The following FSTL5 variants were observed in gnomAD, a reference collection of about 807,000 sequenced individuals.
The protein encoded by FSTL5 is follistatin like 5.
Under a neutral mutation model 89.1 loss-of-function variants are expected in FSTL5, and 62 were observed. The observed-to-expected ratio is 0.70, with a 90% CI of 0.57 to 0.86. The LOEUF is 0.86. FSTL5 is among the 40% of genes least tolerant of loss of function. The pLI is 0.00. For missense variants in FSTL5, 1,057 were observed against 1,001.6 expected (o/e 1.06, Z -0.75); for synonymous variants, 383 against 346.2 (o/e 1.11, Z -1.18).
chr4:161,516,412 T>A (rs61680945), intron 10 of FSTL5, among the ~76,000 whole-genome samples: 7 of 146,228 alleles, frequency 4.8e-5, no homozygotes, highest in African/African-American at 1.7e-4. Flanking sequence ...AAATATATAT[T>A]TTTTTACATA....
chr4:161,528,552 T>C lies in FSTL5; in HGVS notation c.1312+9614A>G, dbSNP rs148975242. 1.8e-3 allele frequency among the ~76,000 whole-genome samples: 262 copies of C among 142,906 alleles called. 27 individuals are homozygous for C. The highest frequency in any genetic ancestry group is 6.4e-3 in the African/African-American group (254 of 39,944). 93.8% of individuals were successfully genotyped at this position (142,906 alleles called of 152,430 possible). On this transcript the variant is annotated intron_variant, in intron 10 of 15. Transcript: ENST00000306100. ...TGTTGGCACAGAGTTAATAGAAATA[T>C]ATGGCATAAATTAGACTTCACAAAA...
chr4:162,029,653 GA>G (rs1737441642), intron 3 of FSTL5, among the ~76,000 whole-genome samples: 1 of 152,126 alleles, frequency 6.6e-6, no homozygotes, highest in African/African-American at 2.4e-5. Context: ...TATCATCATC[GA>G]TTTTTTTTCT....
In FSTL5 at chr4:161,678,062, C is replaced by T. The variant is rs143170539; in HGVS notation, c.728-21568G>A. On this transcript the variant is annotated intron_variant, in intron 6 of 15. Transcript: ENST00000306100. ...GAAAAAATAATAAACAAAAACTTCA[C>T]TTTTCATAAGCAGGTTGGTAAATAT... is the stretch of plus-strand genomic sequence containing the variant. Among the ~76,000 whole-genome samples, 906 of 151,858 alleles carry T rather than the reference C, an allele frequency of 6.0e-3. 9 individuals are homozygous for T. Among genetic ancestry groups the T allele is most frequent in the South Asian group, 0.045 (219 of 4,830 alleles).
intron 2 of FSTL5, among the ~76,000 whole-genome samples, chr4:162,051,809 G>A (rs1046867867): frequency 1.3e-5 from 2 of 151,086 alleles, no homozygotes; most frequent in African/African-American, 4.8e-5. Context: ...GAAATTCATG[G>A]AGCGCTGAAA....
chr4:161,832,866 G>C (rs933605128), intron 4 of FSTL5, among the ~76,000 whole-genome samples: 4 of 149,654 alleles, frequency 2.7e-5, no homozygotes, highest in Non-Finnish European at 5.9e-5. Context: ...AGGGTTTTTT[G>C]TGTCTCTATT....
chr4:161,959,748 A>G (rs1039065156), intron 3 of FSTL5, among the ~76,000 whole-genome samples: 1 of 152,112 alleles, frequency 6.6e-6, no homozygotes, highest in Non-Finnish European at 1.5e-5. Flanking sequence ...TCTGTGCTTT[A>G]CAATTTATTG....
At chr4:161,538,321 C>G in intron 9 of FSTL5, 21 bp from the exon 10 acceptor site, 2 of 1,613,108 alleles carry the variant, frequency 1.2e-6, no homozygotes, top group Non-Finnish European at 1.7e-6. Flanking sequence ...AAGGGAAATG[C>G]AACTTGTAAA....
intron 1 of FSTL5, among the ~76,000 whole-genome samples, chr4:162,112,666 T>C (rs1051139337): frequency 3.3e-5 from 5 of 152,144 alleles, no homozygotes; most frequent in Non-Finnish European, 5.9e-5. Context: ...AATAGTTATA[T>C]ATACATCATT....
At chr4:161,442,218 G>A (rs1480749948) in intron 15 of FSTL5, among the ~76,000 whole-genome samples, 1 of 146,764 alleles carries the variant, frequency 6.8e-6, no homozygotes, top group Non-Finnish European at 1.5e-5. Flanking sequence ...CTAATTCACC[G>A]TTTGCTCAAA....
At chr4:161,997,236 T>A (rs1460754985) in intron 3 of FSTL5, among the ~76,000 whole-genome samples, 1 of 152,224 alleles carries the variant, frequency 6.6e-6, no homozygotes, top group African/African-American at 2.4e-5. Flanking sequence ...TAAACACAAT[T>A]AAATTTTTCT....
At chr4:161,830,797 A>T (rs1418023639) in intron 4 of FSTL5, among the ~76,000 whole-genome samples, 1 of 152,018 alleles carries the variant, frequency 6.6e-6, no homozygotes, top group Non-Finnish European at 1.5e-5. Flanking sequence ...ATAAAAATAG[A>T]GAAGTAAACC....
intron 8 of FSTL5, among the ~76,000 whole-genome samples, chr4:161,562,978 G>C (rs1263797061): frequency 6.6e-6 from 1 of 151,870 alleles, no homozygotes; most frequent in East Asian, 1.9e-4. Context: ...ATTGCATAAT[G>C]GTCTTCCTTT....
At chr4:161,997,520 A>C (rs1405056708) in intron 3 of FSTL5, among the ~76,000 whole-genome samples, 1 of 152,206 alleles carries the variant, frequency 6.6e-6, no homozygotes, top group Middle Eastern at 3.2e-3. Context: ...AATTGAATAC[A>C]AATCAAATAC....
intron 6 of FSTL5, among the ~76,000 whole-genome samples, chr4:161,667,611 T>C (rs1736948130): frequency 6.6e-6 from 1 of 152,096 alleles, no homozygotes. Context: ...TAATTGTGAG[T>C]ATTAACTGAA....
chr4:161,616,617 T>A (rs971846698), intron 7 of FSTL5, among the ~76,000 whole-genome samples: 1 of 152,092 alleles, frequency 6.6e-6, no homozygotes, highest in African/African-American at 2.4e-5. Context: ...CCTTTATATA[T>A]GCATCAATCC....
chr4:162,092,523 C>T (rs1730587887), intron 2 of FSTL5, among the ~76,000 whole-genome samples: 1 of 152,104 alleles, frequency 6.6e-6, no homozygotes, highest in Non-Finnish European at 1.5e-5. Flanking sequence ...ACCTGAATTA[C>T]ATTCTTCAGA....
intron 1 of FSTL5, among the ~76,000 whole-genome samples, chr4:162,162,139 T>A (rs182255998): frequency 6.6e-6 from 1 of 152,220 alleles, no homozygotes; most frequent in East Asian, 1.9e-4. Flanking sequence ...CTTGTGACAA[T>A]CACTCTCTTG....
In FSTL5 at chr4:161,423,181, A is replaced by C. The variant is rs115842525; in HGVS notation, c.1841+31823T>G. 5.6e-3 allele frequency among the ~76,000 whole-genome samples: 856 copies of C among 152,342 alleles called. 4 individuals are homozygous for C. The highest frequency in any genetic ancestry group is 9.7e-3 in the Non-Finnish European group (660 of 68,032). ...ATATGGGACAATCACCATTTCCCTC[A>C]TATGGAAAGTTCTTTCCAAGTTCAT... On this transcript the variant is annotated intron_variant, in intron 15 of 15. Coordinates refer to ENST00000306100, the MANE Select transcript of FSTL5 (RefSeq NM_020116.5).
At chr4:161,466,768 C>T (rs1325739180) in intron 13 of FSTL5, among the ~76,000 whole-genome samples, 2 of 151,828 alleles carry the variant, frequency 1.3e-5, no homozygotes. Context: ...TTTATAGATT[C>T]CATTAAAAAA....
Sources: gnomAD v4.1 joint callset for allele counts (sites outside exome capture counted in the v4.1 genomes callset) on GRCh38, gnomAD v4.1.1 for gene constraint, MANE v1.5 for transcripts, NCBI Gene and HGNC (gene_info 2026-07-23, HGNC 2026-07-21) for gene names.